Variants in TMEFF2 observed in about 807,000 individuals in gnomAD.
TMEFF2 encodes the protein transmembrane protein with EGF like and two follistatin like domains 2.
Under a neutral mutation model 53.8 loss-of-function variants are expected in TMEFF2, and 28 were observed. That is an observed-to-expected ratio of 0.52 (90% CI 0.39 to 0.71). The LOEUF (loss-of-function observed/expected upper bound fraction) is 0.71. Ranked by LOEUF, TMEFF2 falls within the 30% of genes least tolerant of loss-of-function variation. The pLI is 0.00. For synonymous variants in TMEFF2, 162 were observed against 166.3 expected (o/e 0.97, Z 0.20); for missense variants, 353 against 455.2 (o/e 0.78, Z 2.04).
At chr2:192,016,991 T>A (rs1333771361) in intron 5 of TMEFF2, among the ~76,000 whole-genome samples, 5 of 152,194 alleles carry the variant, frequency 3.3e-5, no homozygotes, top group African/African-American at 1.2e-4. Context: ...GGCTGCATGA[T>A]TAACTGAGCT....
intron 5 of TMEFF2, among the ~76,000 whole-genome samples, chr2:192,027,215 A>C (rs1686991745): frequency 6.6e-6 from 1 of 152,208 alleles, no homozygotes; most frequent in African/African-American, 2.4e-5. Flanking sequence ...ATCTTGCAAT[A>C]TTTGAGGAAA....
chr2:192,172,876 G>A (rs1038098710), intron 4 of TMEFF2, among the ~76,000 whole-genome samples: 2 of 151,892 alleles, frequency 1.3e-5, no homozygotes, highest in African/African-American at 4.8e-5. Flanking sequence ...GGGCAATCTT[G>A]CAGACTAGTT....
chr2:192,082,791 T>C (rs967526393), intron 4 of TMEFF2, among the ~76,000 whole-genome samples: 5 of 59,870 alleles, frequency 8.4e-5, no homozygotes, highest in African/African-American at 2.4e-4. Flanking sequence ...AAAATTAATT[T>C]TCATGCACTT....
intron 5 of TMEFF2, among the ~76,000 whole-genome samples, chr2:192,018,979 T>C (rs1233512998): frequency 2.6e-5 from 4 of 152,064 alleles, no homozygotes; most frequent in Non-Finnish European, 5.9e-5. Context: ...TATTCTCAAT[T>C]ACACACATTC....
At chr2:192,075,312 T>C (rs372493172) in intron 4 of TMEFF2, among the ~76,000 whole-genome samples, 5 of 105,762 alleles carry the variant, frequency 4.7e-5, no homozygotes, top group African/African-American at 1.3e-4. Flanking sequence ...TATATATATA[T>C]ATATATATAT....
At chr2:192,057,218 TA>T (rs112848044) in intron 5 of TMEFF2, among the ~76,000 whole-genome samples, 69,505 of 150,392 alleles carry the variant, frequency 0.46, 16,848 homozygotes, top group East Asian at 0.6. Context: ...TAATTATTAT[TA>T]TTTTTTTTTA....
intron 4 of TMEFF2, among the ~76,000 whole-genome samples, chr2:192,140,592 A>G (rs1405898820): frequency 6.6e-6 from 1 of 152,174 alleles, no homozygotes; most frequent in African/African-American, 2.4e-5. Context: ...TAAAAAAAAC[A>G]CAACGTGGGG....
intron 4 of TMEFF2, among the ~76,000 whole-genome samples, chr2:192,069,003 T>A (rs1688226521): frequency 6.6e-6 from 1 of 150,984 alleles, no homozygotes. Flanking sequence ...AATTACAATA[T>A]CCAAAACATT....
chr2:192,035,287 A>G (rs1215192985), intron 5 of TMEFF2: 1 of 152,172 alleles, frequency 6.6e-6, no homozygotes. Flanking sequence ...AGAGTTTTGT[A>G]TTGGCAATCA....
At position 191,952,814 on chromosome 2, in the gene TMEFF2, C is replaced by A. The variant is rs192872008; in HGVS notation, c.1028+865G>T. The stretch of plus-strand genomic sequence containing the variant: ...CTGTTCAAAACAATTTTTAGAGAAA[C>A]ATTCTGATTTACTGGAGAGCTGCAC... On this transcript the variant is annotated intron_variant, in intron 9 of 9. Coordinates refer to ENST00000272771, the MANE Select transcript of TMEFF2 (RefSeq NM_016192.4). Among the ~76,000 whole-genome samples, 66 of 152,280 alleles carry A rather than the reference C, an allele frequency of 4.3e-4. 1 individual carries two copies. Among genetic ancestry groups the A allele is most frequent in the African/African-American group, 1.6e-3 (65 of 41,566 alleles).
At chr2:192,057,141 T>G (rs1414053812) in intron 5 of TMEFF2, among the ~76,000 whole-genome samples, 3 of 152,176 alleles carry the variant, frequency 2.0e-5, no homozygotes, top group African/African-American at 7.2e-5. Context: ...CCTCCTGTGC[T>G]CAAGTGTTCC....
chr2:192,163,666 T>G (rs1301621658), intron 4 of TMEFF2, among the ~76,000 whole-genome samples: 1 of 152,224 alleles, frequency 6.6e-6, no homozygotes, highest in African/African-American at 2.4e-5. Context: ...CTTGAAAGTC[T>G]GAGAAAATTA....
intron 4 of TMEFF2, among the ~76,000 whole-genome samples, chr2:192,141,459 GA>G (rs397987092): frequency 0.35 from 37,417 of 108,358 alleles, 4,797 homozygotes; most frequent in Middle Eastern, 0.49. Context: ...TCTCAAAAAA[GA>G]AAAAAAAAAA....
intron 4 of TMEFF2, among the ~76,000 whole-genome samples, chr2:192,173,091 A>G (rs1000258725): frequency 1.3e-4 from 19 of 151,928 alleles, no homozygotes; most frequent in African/African-American, 4.1e-4. Flanking sequence ...CAAGATGACT[A>G]TAGTTAACAA....
At chr2:192,136,690 GCT>G (rs144482162) in intron 4 of TMEFF2, among the ~76,000 whole-genome samples, 1 of 150,516 alleles carries the variant, frequency 6.6e-6, no homozygotes, top group East Asian at 2.0e-4. Flanking sequence ...CCATCTCCCC[GCT>G]CTCTCTCTCC....
intron 2 of TMEFF2, among the ~76,000 whole-genome samples, chr2:192,185,396 A>G (rs1691287576): frequency 6.6e-6 from 1 of 152,044 alleles, no homozygotes; most frequent in South Asian, 2.1e-4. Context: ...AATTATAAAA[A>G]ATATAATGAT....
chr2:192,143,888 A>G (rs1007771111), intron 4 of TMEFF2, among the ~76,000 whole-genome samples: 2 of 152,146 alleles, frequency 1.3e-5, no homozygotes, highest in African/African-American at 4.8e-5. Context: ...TTGCACATAC[A>G]GCGGTTTATT....
chr2:192,152,650 A>G (rs1359069663), intron 4 of TMEFF2, among the ~76,000 whole-genome samples: 1 of 151,960 alleles, frequency 6.6e-6, no homozygotes, highest in Non-Finnish European at 1.5e-5. Flanking sequence ...TTTTAATAAA[A>G]GTGAGCACAG....
At chr2:191,952,926 C>T (rs760137373) in intron 9 of TMEFF2, among the ~76,000 whole-genome samples, 1 of 152,132 alleles carries the variant, frequency 6.6e-6, no homozygotes, top group Non-Finnish European at 1.5e-5. Flanking sequence ...GAAATCAAGT[C>T]AGTAAGGACT....
Sources: gnomAD v4.1 joint callset for allele counts (sites outside exome capture counted in the v4.1 genomes callset) on GRCh38, gnomAD v4.1.1 for gene constraint, MANE v1.5 for transcripts, NCBI Gene and HGNC (gene_info 2026-07-23, HGNC 2026-07-21) for gene names.